Variants in ZGRF1 observed in about 807,000 individuals in gnomAD.
ZGRF1 encodes 5'-3' DNA helicase ZGRF1.
In ZGRF1, 196 loss-of-function variants were observed where a neutral mutation model predicts 203.5. That is an observed-to-expected ratio of 0.96 (90% CI 0.86 to 1.08). ZGRF1 has a LOEUF of 1.08. Ranked by LOEUF, ZGRF1 falls within the 50% of genes least tolerant of loss-of-function variation. The pLI is 0.00. For missense variants in ZGRF1, 2,326 were observed against 2,416.3 expected, an observed-to-expected ratio of 0.96 and a Z score of 0.78; for synonymous variants, 809 against 841.3, an observed-to-expected ratio of 0.96 and a Z score of 0.66.
At chr4:112,560,702 A>C in intron 19 of ZGRF1, 31 bp downstream of exon 19, 1 of 1,523,524 alleles carries the variant, frequency 6.6e-7, no homozygotes, top group Non-Finnish European at 8.9e-7. Flanking sequence ...AATAGAAAAC[A>C]ATTACAATTA....
At chr4:112,598,760 T>C (rs545008648) in intron 10 of ZGRF1, among the ~76,000 whole-genome samples, 5 of 152,010 alleles carry the variant, frequency 3.3e-5, no homozygotes, top group Admixed American at 2.6e-4. Flanking sequence ...TTTAGAAAAA[T>C]CATAATCAGG....
At chr4:112,589,699 A>G (rs1389176978) in intron 11 of ZGRF1, 25 bp downstream of exon 11, 5 of 1,604,542 alleles carry the variant, frequency 3.1e-6, no homozygotes, top group Non-Finnish European at 4.3e-6. Flanking sequence ...ATAGACAGAT[A>G]TTAGAGCAAT....
intron 3 of ZGRF1, among the ~76,000 whole-genome samples, chr4:112,625,267 T>C (rs1471879): frequency 0.68 from 103,551 of 151,898 alleles, 35,729 homozygotes; most frequent in East Asian, 0.95. Flanking sequence ...CCAGCCTGGG[T>C]GACAGAGCAA....
At chr4:112,575,028 G>GAA (rs1307313226) in intron 16 of ZGRF1, among the ~76,000 whole-genome samples, 2 of 122,294 alleles carry the variant, frequency 1.6e-5, no homozygotes, top group African/African-American at 3.0e-5. Flanking sequence ...TCTGTCTCAG[G>GAA]AAAAAAAAAA....
intron 3 of ZGRF1, among the ~76,000 whole-genome samples, chr4:112,625,016 T>A (rs2047185311): frequency 2.0e-5 from 3 of 152,186 alleles, no homozygotes; most frequent in Admixed American, 2.0e-4. Flanking sequence ...ACACGGCTCA[T>A]GGTGTTAAAC....
rs745733414 is a variant in ZGRF1 at position 112,587,486 on chromosome 4, C to G, written c.3571G>C (p.Ala1191Pro). 3.7e-6 allele frequency: 6 copies of G among 1,613,850 alleles called. No individual in the cohort carries two copies. Among genetic ancestry groups the G allele is most frequent in the Non-Finnish European group, 5.1e-6 (6 of 1,179,784 alleles). Residue 1191 changes from alanine to proline, a missense_variant, in exon 12 of 28, where the codon GCT becomes CCT. Ala to Pro is a conservative substitution (Grantham distance 27). Coordinates refer to ENST00000505019, the MANE Select transcript of ZGRF1 (RefSeq NM_018392.5). ...GAGTCTAAAGAGCTTTCATTGACAG[C>G]ATCACTCTGTCTTTCACTTGTGTCT... ...FRDTSERQSD[A>P]VNESSLDSVH... is the part of the protein sequence containing the mutation.
At chr4:112,610,080 A>C (rs1380335983) in intron 7 of ZGRF1, among the ~76,000 whole-genome samples, 1 of 152,082 alleles carries the variant, frequency 6.6e-6, no homozygotes, top group African/African-American at 2.4e-5. Context: ...TCAAGGCTGC[A>C]GGAGCCAATC....
chr4:112,604,341 G>C (rs2149098919), intron 9 of ZGRF1, among the ~76,000 whole-genome samples: 1 of 152,116 alleles, frequency 6.6e-6, no homozygotes, highest in African/African-American at 2.4e-5. Flanking sequence ...GAAATATTTA[G>C]TTGCTTCTCA....
chr4:112,603,663 G>T lies in ZGRF1; in HGVS notation c.2837C>A (p.Ser946Ter). 6.2e-7 allele frequency: 1 copy of T among 1,613,762 alleles called. No homozygotes were observed. Among genetic ancestry groups the T allele is most frequent in the Non-Finnish European group, 8.5e-7 (1 of 1,179,864 alleles). Residue 946 changes from serine (S) to a stop codon, truncating the protein, a stop_gained, in exon 10 of 28, where the codon TCA (serine) becomes TAA (stop). Coordinates refer to ENST00000505019, the MANE Select transcript of ZGRF1 (RefSeq NM_018392.5). LOFTEE classifies it high-confidence loss of function. ...VEFQGHQVKGSATSGVMVRGH... is the reference protein window; with the variant it reads ...VEFQGHQVKG ...TCTGACCATTACACCACTAGTAGCTGATCCTTTTACTTGATGTCCTTGAAA... is the reference window on the plus strand; with the variant it reads ...TCTGACCATTACACCACTAGTAGCTTATCCTTTTACTTGATGTCCTTGAAA...
In ZGRF1 at chr4:112,584,180, G is replaced by A; in HGVS notation, c.4102-6C>T. The A allele has an allele frequency of 3.2e-6, 5 of 1,550,008 alleles. No homozygotes were observed. The highest frequency in any genetic ancestry group is 4.3e-6 in the Non-Finnish European group (5 of 1,151,904). ...CATGTATAAAAGAGACGACCCTAAG[G>A]GGAAAGAAAAAAGATCAACATTTAG... On this transcript the variant is annotated splice_polypyrimidine_tract_variant and splice_region_variant and intron_variant, in intron 14 of 27. Transcript: ENST00000505019.
At chr4:112,628,544 C>A (rs2047308478) in intron 3 of ZGRF1, 1 of 454,602 alleles carries the variant, frequency 2.2e-6, no homozygotes. Context: ...GCATAACTAG[C>A]AAGAGAAGAA....
chr4:112,619,049 T>C lies in ZGRF1; in HGVS notation c.993A>G (p.Leu331=). The C allele has an allele frequency of 1.2e-6, 2 of 1,614,070 alleles. No individual in the cohort carries two copies. Among genetic ancestry groups the C allele is most frequent in the Non-Finnish European group, 1.7e-6 (2 of 1,179,970 alleles). ...MRNKSRWAMY[L]SSQSSPIHSS... is the part of the protein sequence containing the mutation. ...AATGTATAGGTGAACTCTGTGAGGA[T>C]AAATACATGGCCCACCGGCTTTTAT... Residue 331 remains leucine (L), a synonymous_variant, in exon 6 of 28, where the codon TTA becomes TTG. Coordinates refer to ENST00000505019, the MANE Select transcript of ZGRF1 (RefSeq NM_018392.5).
intron 8 of ZGRF1, among the ~76,000 whole-genome samples, chr4:112,609,031 C>T (rs745433350): frequency 9.2e-5 from 14 of 151,818 alleles, no homozygotes; most frequent in South Asian, 2.1e-4. Flanking sequence ...ACATGCCATA[C>T]CTCTATATAC....
chr4:112,628,439 T>C (rs546143601), intron 3 of ZGRF1, among the ~76,000 whole-genome samples: 2 of 152,344 alleles, frequency 1.3e-5, no homozygotes, highest in Non-Finnish European at 2.9e-5. Context: ...TCCACCTATT[T>C]GACTTTTCCC....
chr4:112,561,562 G>A (rs4834291), intron 18 of ZGRF1: 92,172 of 152,166 alleles, frequency 0.61, 28,655 homozygotes, highest in East Asian at 0.95. Flanking sequence ...AACATCACAG[G>A]TAGATAATAA....
chr4:112,624,152 T>C (rs2047152966), intron 3 of ZGRF1, among the ~76,000 whole-genome samples: 1 of 143,984 alleles, frequency 6.9e-6, no homozygotes, highest in Admixed American at 7.2e-5. Flanking sequence ...GCAATAAATC[T>C]TGCTACTGCT....
At chr4:112,589,076 T>C (rs1450598303) in intron 11 of ZGRF1, among the ~76,000 whole-genome samples, 1 of 151,856 alleles carries the variant, frequency 6.6e-6, no homozygotes, top group East Asian at 1.9e-4. Context: ...TTATCATCCA[T>C]CCAAAATCAA....
At chr4:112,542,674 CACG>C (rs1224929175) in intron 24 of ZGRF1, among the ~76,000 whole-genome samples, 5 of 152,128 alleles carry the variant, frequency 3.3e-5, no homozygotes, top group Non-Finnish European at 7.4e-5. Flanking sequence ...CTGGGGCTCA[CACG>C]ATCCTTCTGC....
intron 16 of ZGRF1, among the ~76,000 whole-genome samples, chr4:112,577,273 A>C (rs2148972894): frequency 8.1e-6 from 1 of 123,026 alleles, no homozygotes; most frequent in African/African-American, 2.8e-5. Flanking sequence ...GAGCTCCTGA[A>C]GGAAGCGCTA....
Sources: gnomAD v4.1 joint callset for allele counts (sites outside exome capture counted in the v4.1 genomes callset) on GRCh38, gnomAD v4.1.1 for gene constraint, MANE v1.5 for transcripts, NCBI Gene and HGNC (gene_info 2026-07-23, HGNC 2026-07-21) for gene names.